The following BLOC1S1 variants were observed in gnomAD, a reference collection of about 807,000 sequenced individuals.
BLOC1S1 encodes the protein biogenesis of lysosome-related organelles complex 1 subunit 1.
BLOC1S1 carries 11 observed loss-of-function variants against 19.0 expected under a neutral mutation model. The observed-to-expected ratio is 0.58, with a 90% confidence interval of 0.37 to 0.96. The LOEUF (loss-of-function observed/expected upper bound fraction) is 0.96. BLOC1S1 is among the 40% of genes least tolerant of loss of function. BLOC1S1 has a pLI of 0.01. For missense variants in BLOC1S1, 220 were observed against 195.9 expected, an observed-to-expected ratio of 1.12 and a Z score of -0.73; for synonymous variants, 94 against 76.4, an observed-to-expected ratio of 1.23 and a Z score of -1.20.
rs777382233 is a variant in BLOC1S1, at chr12:55,716,116, G to GC, written c.70dup (p.Gln24ProfsTer20). ...AGCCGGAGGGGGCCCGGCGTACCCA[G>GC]CCCCCAGCCCGACGTGACCATGCTG... is the stretch of plus-strand genomic sequence containing the variant. On this transcript the variant is annotated frameshift_variant, in exon 1 of 4. Transcript: ENST00000548925. LOFTEE classifies it high-confidence loss of function. 1 of 1,607,962 alleles carries GC rather than the reference G, an allele frequency of 6.2e-7. No individual in the cohort carries two copies. The highest frequency in any genetic ancestry group is 1.7e-4 in the Middle Eastern group (1 of 6,050).
Position 55,716,116 on chromosome 12 carries a change from G to T in BLOC1S1, c.65G>T (p.Ser22Ile), listed in dbSNP as rs142903372. 8 of 1,607,962 alleles carry T rather than the reference G, an allele frequency of 5.0e-6. No homozygotes were observed. In the East Asian group the frequency reaches 1.8e-4, roughly 36 times the overall value. ...AGCCGGAGGGGGCCCGGCGTACCCAGCCCCCAGCCCGACGTGACCATGCTG... is the reference window on the plus strand; with the variant it reads ...AGCCGGAGGGGGCCCGGCGTACCCATCCCCCAGCCCGACGTGACCATGCTG... ...FRSRRGPGVP[S>I]PQPDVTMLSR... is the part of the protein sequence containing the mutation. Residue 22 changes from serine to isoleucine, a missense_variant, in exon 1 of 4, where the codon AGC becomes ATC. By Grantham distance (142) the Ser-to-Ile change is moderately radical. Transcript: ENST00000548925.
intron 1 of BLOC1S1, chr12:55,716,496 C>T: frequency 7.9e-7 from 1 of 1,268,226 alleles, no homozygotes; most frequent in Non-Finnish European, 9.9e-7. Context: ...GCCTCTCGTC[C>T]TGGCGGCGGG....
At chr12:55,718,491 CATGTGT>C (rs1395171294) in intron 2 of BLOC1S1, among the ~76,000 whole-genome samples, 1 of 95,240 alleles carries the variant, frequency 1.0e-5, no homozygotes, top group African/African-American at 5.3e-5. Flanking sequence ...GGAGGGAGAG[CATGTGT>C]GTGTGTGTGT....
chr12:55,716,953 A>G lies in BLOC1S1; in HGVS notation c.166A>G (p.Ile56Val), dbSNP rs1876599874. The change falls in exon 2 of 4, where the codon ATC becomes GTC. Residue 56 changes from isoleucine (I) to valine (V), a missense_variant. Ile to Val is a conservative substitution (Grantham distance 29). Transcript: ENST00000548925. Reference sequence around the variant, plus strand: ...CCCAGAAAAGAGGAGGCGAGAGGCTATCACTGCAGCGACCTGCCTGACAGA... The same window carrying G: ...CCCAGAAAAGAGGAGGCGAGAGGCTGTCACTGCAGCGACCTGCCTGACAGA... ...ELQEKRRREA[I>V]TAATCLTEAL... 1.3e-6 allele frequency: 2 copies of G among 1,592,758 alleles called. No homozygotes were observed. The highest frequency in any genetic ancestry group is 1.7e-6 in the Non-Finnish European group (2 of 1,171,162).
At position 55,719,494 on chromosome 12, in the gene BLOC1S1, C is replaced by G; in HGVS notation, c.352-5C>G. 3 of 1,613,684 alleles carry G rather than the reference C, an allele frequency of 1.9e-6. No homozygotes were observed. The South Asian group carries it at 3.3e-5, about 18-fold the overall frequency. Reference sequence around the variant, plus strand: ...TGGGCTCCCACCTCCTCTCCCCCTTCCCAGGAAATTGGGGATGTGGAGAAC... The same window carrying G: ...TGGGCTCCCACCTCCTCTCCCCCTTGCCAGGAAATTGGGGATGTGGAGAAC... On this transcript the variant is annotated splice_region_variant and splice_polypyrimidine_tract_variant and intron_variant, in intron 3 of 3. Transcript: ENST00000548925.
Position 55,719,679 on chromosome 12 carries a change from C to T in BLOC1S1, c.*70C>T, listed in dbSNP as rs1876824363. 3 of 1,338,698 alleles carry T rather than the reference C, an allele frequency of 2.2e-6. No individual in the cohort carries two copies. In the East Asian group the frequency reaches 7.1e-5, roughly 32 times the overall value. 82.9% of individuals were successfully genotyped at this position (1,338,698 alleles called of 1,614,324 possible). On this transcript the variant is annotated 3_prime_UTR_variant, in exon 4 of 4. Transcript: ENST00000548925. The stretch of plus-strand genomic sequence containing the variant: ...GGGGGAAGGAGGGAGGCTGACAAGC[C>T]TTGAATAAAACACAAGCCTCCGTTT...
intron 2 of BLOC1S1, among the ~76,000 whole-genome samples, chr12:55,717,795 G>A (rs1028403892): frequency 6.6e-6 from 1 of 152,140 alleles, no homozygotes; most frequent in African/African-American, 2.4e-5. Context: ...TTGTGGCTGG[G>A]GCCTCTGATC....
intron 2 of BLOC1S1, among the ~76,000 whole-genome samples, chr12:55,717,266 A>G (rs1465302716): frequency 1.3e-5 from 2 of 152,272 alleles, no homozygotes; most frequent in African/African-American, 2.4e-5. Context: ...GGCATTTACA[A>G]CTTGATGCCA....
chr12:55,716,869 A>G, intron 1 of BLOC1S1, 64 bp from the exon 2 acceptor site: 1 of 1,455,268 alleles, frequency 6.9e-7, no homozygotes, highest in Non-Finnish European at 9.3e-7. Context: ...TGGGTAGGGA[A>G]CCTTTAACAC....
chr12:55,716,183 C>T lies in BLOC1S1; in HGVS notation c.132C>T (p.Arg44=). The part of the protein sequence containing the change: ...LKEHQAKQNE[R]KELQEKRRRE... ...AACACCAGGCCAAGCAGAATGAACGCAAGGAGCTGCAGGGTGAGCCAAATA... is the reference window on the plus strand; with the variant it reads ...AACACCAGGCCAAGCAGAATGAACGTAAGGAGCTGCAGGGTGAGCCAAATA... Residue 44 remains arginine (R), a synonymous_variant, in exon 1 of 4, where the codon CGC becomes CGT. Coordinates refer to ENST00000548925, the MANE Select transcript of BLOC1S1 (RefSeq NM_001487.4). 1 of 1,610,704 alleles carries T rather than the reference C, an allele frequency of 6.2e-7. No homozygotes were observed. The highest frequency in any genetic ancestry group is 8.5e-7 in the Non-Finnish European group (1 of 1,178,370).
At chr12:55,716,578 CCGGAA>C (rs1876557820) in intron 1 of BLOC1S1, 2 of 1,209,402 alleles carry the variant, frequency 1.7e-6, no homozygotes, top group South Asian at 4.3e-5. Context: ...CCTGAAACCA[CCGGAA>C]CGGAGGTGGG....
chr12:55,718,009 C>T (rs1187864648), intron 2 of BLOC1S1, among the ~76,000 whole-genome samples: 1 of 152,234 alleles, frequency 6.6e-6, no homozygotes, highest in Non-Finnish European at 1.5e-5. Context: ...CTCCTGGGCT[C>T]TGCTGTGCCC....
At chr12:55,718,518 T>G (rs11171664) in intron 2 of BLOC1S1, among the ~76,000 whole-genome samples, 88 of 125,356 alleles carry the variant, frequency 7.0e-4, no homozygotes, top group Non-Finnish European at 9.5e-4. Flanking sequence ...GTGTGTGTGT[T>G]TGTGTGTGTT....
chr12:55,717,000 T>G lies in BLOC1S1; in HGVS notation c.213T>G (p.Asn71Lys). The change falls in exon 2 of 4, where the codon AAT becomes AAG. Residue 71 changes from asparagine (N) to lysine (K), a missense_variant. Coordinates refer to ENST00000548925, the MANE Select transcript of BLOC1S1 (RefSeq NM_001487.4). ...CAGAAGCTTTGGTGGATCACCTCAA[T>G]GTGGGGTATGGACCTCTTATCAACA... ...CLTEALVDHL[N>K]VGVAQAYMNQ... 3.8e-6 allele frequency: 6 copies of G among 1,596,324 alleles called. No individual in the cohort carries two copies. Among genetic ancestry groups the G allele is most frequent in the Admixed American group, 1.8e-5 (1 of 56,894 alleles).
intron 1 of BLOC1S1, 167 bp downstream of exon 1, chr12:55,716,363 C>A: frequency 6.9e-7 from 1 of 1,447,314 alleles, no homozygotes; most frequent in East Asian, 2.6e-5. Context: ...ACTCCTTTCC[C>A]TTGCCAACTG....
At chr12:55,719,318 G>A in intron 3 of BLOC1S1, 95 bp downstream of exon 3, 2 of 1,593,710 alleles carry the variant, frequency 1.3e-6, no homozygotes, top group Non-Finnish European at 1.7e-6. Context: ...GAGGAAGTAG[G>A]GTGGTCCCAG....
At chr12:55,719,403 CT>C in intron 3 of BLOC1S1, 95 bp from the exon 4 acceptor site, 1 of 1,458,136 alleles carries the variant, frequency 6.9e-7, no homozygotes, top group Non-Finnish European at 9.6e-7. Context: ...CAAGTAAAGC[CT>C]TTTCCAGGAG....
chr12:55,716,608 A>G, intron 1 of BLOC1S1: 1 of 1,222,542 alleles, frequency 8.2e-7, no homozygotes, highest in Non-Finnish European at 1.0e-6. Context: ...TTGTTTCCTG[A>G]GTCCGGGCTG....
intron 2 of BLOC1S1, 57 bp downstream of exon 2, chr12:55,717,062 C>CACTGGCCAG: frequency 6.9e-7 from 1 of 1,450,858 alleles, no homozygotes; most frequent in Non-Finnish European, 9.4e-7. Context: ...CAAGTTTAGG[C>CACTGGCCAG]ACTGGCCAGT....
Sources: allele counts gnomAD v4.1 joint callset (sites outside exome capture counted in the v4.1 genomes callset), GRCh38; gene constraint gnomAD v4.1.1; transcripts MANE v1.5; gene names NCBI Gene and HGNC (gene_info 2026-07-23, HGNC 2026-07-21).